NTM: variants seen among roughly 807,000 people sequenced by gnomAD.
The protein encoded by NTM is neurotrimin, also known as IgLON family member 2.
Under a neutral mutation model 42.1 loss-of-function variants are expected in NTM, and 13 were observed. The ratio of observed to expected loss-of-function variants is 0.31; its 90% CI spans 0.20 to 0.49. The LOEUF is 0.49. Ranked by LOEUF, NTM falls within the 20% of genes least tolerant of loss-of-function variation. The pLI is 0.99. For missense variants in NTM, 373 were observed against 452.8 expected (o/e 0.82, Z 1.60); for synonymous variants, 187 against 179.2 (o/e 1.04, Z -0.35).
chr11:132,314,758 A>G (rs1480012573), intron 7 of NTM, 55 bp downstream of exon 7: 1 of 1,538,796 alleles, frequency 6.5e-7, no homozygotes, highest in African/African-American at 1.4e-5. Context: ...AGAACGGGAG[A>G]GCTGGGTGGG....
At chr11:132,067,776 C>T (rs771688297) in intron 2 of NTM, among the ~76,000 whole-genome samples, 1 of 152,204 alleles carries the variant, frequency 6.6e-6, no homozygotes, top group Non-Finnish European at 1.5e-5. Flanking sequence ...TTCCAAAGCT[C>T]AGCCCTCACA....
chr11:132,184,282 G>A (rs2078057633), intron 3 of NTM, among the ~76,000 whole-genome samples: 1 of 152,158 alleles, frequency 6.6e-6, no homozygotes, highest in African/African-American at 2.4e-5. Context: ...CCCGGGCTGA[G>A]GCTGGGGATC....
At chr11:131,464,359 TG>T (rs143677319) in intron 1 of NTM, among the ~76,000 whole-genome samples, 30,773 of 146,114 alleles carry the variant, frequency 0.21, 3,398 homozygotes, top group African/African-American at 0.3. Flanking sequence ...CAGGGAAAGC[TG>T]GGGGGGGGGC....
chr11:131,873,540 A>G (rs28783401), intron 1 of NTM, among the ~76,000 whole-genome samples: 3,748 of 47,310 alleles, frequency 0.079, 330 homozygotes, highest in East Asian at 0.36. Flanking sequence ...GTGTGTGTGT[A>G]TATATATACA....
chr11:131,481,649 G>T (rs1429010422), intron 1 of NTM, among the ~76,000 whole-genome samples: 1 of 140,286 alleles, frequency 7.1e-6, no homozygotes, highest in Non-Finnish European at 1.6e-5. Flanking sequence ...AAGCACCCTA[G>T]GTCAGCATAG....
chr11:131,658,299 A>T (rs1377273043), intron 1 of NTM, among the ~76,000 whole-genome samples: 1 of 152,234 alleles, frequency 6.6e-6, no homozygotes, highest in Non-Finnish European at 1.5e-5. Flanking sequence ...TAAGAACTTA[A>T]GGGCCTGTAA....
rs559436340 is a variant in NTM at position 132,094,041 on chromosome 11, G to A, written c.168-52241G>A. On this transcript the variant is annotated intron_variant, in intron 2 of 8. Coordinates refer to ENST00000683400, the MANE Select transcript of NTM (RefSeq NM_001352005.2). ...CGGAAGTGAGATACAGAAACCGCCG[G>A]TTTGGTTACAGCTCAGCGTTTGCCT... Among the ~76,000 whole-genome samples the A allele has an allele frequency of 3.3e-5, 5 of 152,226 alleles. No individual in the cohort carries two copies. The South Asian group carries it at 8.3e-4, about 25-fold the overall frequency.
intron 6 of NTM, among the ~76,000 whole-genome samples, chr11:132,311,821 G>A (rs1194999251): frequency 6.6e-6 from 1 of 152,188 alleles, no homozygotes; most frequent in Non-Finnish European, 1.5e-5. Flanking sequence ...AGTGGCCAAT[G>A]GCGAGTAAAA....
In NTM at chr11:131,370,902, A is replaced by G. The variant is rs751049616; in HGVS notation, c.82+14A>G. 2 of 1,613,300 alleles carry G rather than the reference A, an allele frequency of 1.2e-6. No individual in the cohort carries two copies. Among genetic ancestry groups the G allele is most frequent in the South Asian group, 2.2e-5 (2 of 90,946 alleles). On this transcript the variant is annotated intron_variant, in intron 1 of 8. Coordinates refer to ENST00000683400, the MANE Select transcript of NTM (RefSeq NM_001352005.2). Reference sequence around the variant, plus strand: ...GTCTCTTCCAAGGTAAGAGCTTGCTATTGATTTGCCTTCGGTAGACCCAGG... The same window carrying G: ...GTCTCTTCCAAGGTAAGAGCTTGCTGTTGATTTGCCTTCGGTAGACCCAGG...
chr11:131,501,867 A>ATG (rs2046875281), intron 1 of NTM, among the ~76,000 whole-genome samples: 1 of 146,948 alleles, frequency 6.8e-6, no homozygotes, highest in African/African-American at 2.6e-5. Flanking sequence ...GAAGGTATGT[A>ATG]TGTGTGTGTG....
chr11:131,960,440 C>A (rs938630274), intron 2 of NTM, among the ~76,000 whole-genome samples: 4 of 152,184 alleles, frequency 2.6e-5, no homozygotes, highest in African/African-American at 9.6e-5. Context: ...CCTGTGGAAC[C>A]ATGGAGCAGT....
chr11:131,666,771 G>T (rs2069129513), intron 1 of NTM, among the ~76,000 whole-genome samples: 1 of 152,148 alleles, frequency 6.6e-6, no homozygotes, highest in Non-Finnish European at 1.5e-5. Context: ...GACTCACAAA[G>T]CTGCACTCAC....
At chr11:131,962,398 G>C (rs151170416) in intron 2 of NTM, among the ~76,000 whole-genome samples, 1 of 152,290 alleles carries the variant, frequency 6.6e-6, no homozygotes, top group East Asian at 1.9e-4. Context: ...TTGGGAGATG[G>C]GGACTTTGAA....
intron 1 of NTM, among the ~76,000 whole-genome samples, chr11:131,806,827 G>A (rs1436032804): frequency 6.6e-6 from 1 of 152,184 alleles, no homozygotes; most frequent in Non-Finnish European, 1.5e-5. Flanking sequence ...ATGCTAAGCA[G>A]TGCAGGATTA....
At position 132,336,631 on chromosome 11, in the gene NTM, A is replaced by C. The variant is rs961765904; in HGVS notation, c.*1485A>C. On this transcript the variant is annotated 3_prime_UTR_variant, in exon 9 of 9. Coordinates refer to ENST00000683400, the MANE Select transcript of NTM (RefSeq NM_001352005.2). ...TTATTTTATTTCCCACCTTTGTGTG[A>C]GTGTGTATGAAAGAGAAGAAAATGC... is the stretch of plus-strand genomic sequence containing the variant. The C allele has an allele frequency of 2.0e-5, 3 of 151,984 alleles. No individual in the cohort carries two copies. The highest frequency in any genetic ancestry group is 4.4e-5 in the Non-Finnish European group (3 of 67,926). 9.4% of individuals were successfully genotyped at this position (151,984 alleles called of 1,614,324 possible).
chr11:131,781,678 A>G (rs2088165628), intron 1 of NTM, among the ~76,000 whole-genome samples: 1 of 152,222 alleles, frequency 6.6e-6, no homozygotes, highest in South Asian at 2.1e-4. Context: ...GCTGTAAGCA[A>G]CTAGAAACTG....
At chr11:132,019,440 C>G (rs536318748) in intron 2 of NTM, among the ~76,000 whole-genome samples, 1 of 151,662 alleles carries the variant, frequency 6.6e-6, no homozygotes, top group East Asian at 1.9e-4. Flanking sequence ...GGTGACTAGT[C>G]TATTTTTTCT....
chr11:131,567,497 A>G (rs1346339659), intron 1 of NTM, among the ~76,000 whole-genome samples: 1 of 151,914 alleles, frequency 6.6e-6, no homozygotes, highest in Non-Finnish European at 1.5e-5. Context: ...GAAAAAAAAG[A>G]CCCAAAAATC....
At chr11:132,265,163 T>G (rs1490254417) in intron 4 of NTM, among the ~76,000 whole-genome samples, 2 of 152,200 alleles carry the variant, frequency 1.3e-5, no homozygotes, top group Non-Finnish European at 2.9e-5. Flanking sequence ...TACTGTGGCA[T>G]TAGAATCTAC....
Sources: allele counts gnomAD v4.1 joint callset (sites outside exome capture counted in the v4.1 genomes callset), GRCh38; gene constraint gnomAD v4.1.1; transcripts MANE v1.5; gene names NCBI Gene and HGNC (gene_info 2026-07-23, HGNC 2026-07-21).